Variants in EPN2 observed in about 807,000 individuals in gnomAD.
The protein encoded by EPN2 is epsin 2, also known as epsin-2.
In EPN2, 34 loss-of-function variants were observed where a neutral mutation model predicts 61.7. The ratio of observed to expected loss-of-function variants is 0.55; its 90% CI spans 0.42 to 0.73. The LOEUF (loss-of-function observed/expected upper bound fraction) is 0.73. Ranked by LOEUF, EPN2 falls within the 30% of genes least tolerant of loss-of-function variation. EPN2 has a pLI of 0.00. For missense variants in EPN2, 714 were observed against 839.2 expected (o/e 0.85, Z 1.84); for synonymous variants, 349 against 353.6 (o/e 0.99, Z 0.15).
rs750745120 is a variant in EPN2, at chr17:19,283,701, C to T, written c.582C>T (p.Ala194=). ...QEYGKAGGSP[A]SYHGSPEASL... ...ATGGCAAGGCCGGGGGCTCCCCGGC[C>T]TCCTACCATGGCTGTGAGTAATGGA... Residue 194 remains alanine (A), a synonymous_variant, in exon 3 of 11, where the codon GCC becomes GCT. Transcript: ENST00000314728. The surrounding 1 kb of genome is among the most constrained non-coding windows in gnomAD (Gnocchi z 7.0). 4 of 1,591,752 alleles carry T rather than the reference C, an allele frequency of 2.5e-6. No homozygotes were observed. In the African/African-American group the frequency reaches 5.4e-5, roughly 22 times the overall value.
intron 1 of EPN2, among the ~76,000 whole-genome samples, chr17:19,249,102 T>C (rs1394574723): frequency 6.6e-6 from 1 of 152,210 alleles, no homozygotes; most frequent in African/African-American, 2.4e-5. Context: ...GAGGTTTGAC[T>C]CATGGGCTGT....
intron 1 of EPN2, among the ~76,000 whole-genome samples, chr17:19,260,214 C>T (rs1207711073): frequency 3.3e-5 from 5 of 152,182 alleles, no homozygotes; most frequent in Admixed American, 2.6e-4. Flanking sequence ...AATCTGCTAC[C>T]TTATGATGGG....
chr17:19,287,574 A>G (rs147774394), intron 4 of EPN2, among the ~76,000 whole-genome samples: 249 of 152,204 alleles, frequency 1.6e-3, no homozygotes, highest in Non-Finnish European at 2.8e-3. Context: ...TGCTTAATCT[A>G]TGCACACCAG....
At chr17:19,260,656 A>C (rs1324220953) in intron 1 of EPN2, among the ~76,000 whole-genome samples, 1 of 151,148 alleles carries the variant, frequency 6.6e-6, no homozygotes, top group Non-Finnish European at 1.5e-5. Context: ...TGCTCTTTTG[A>C]ATAGGCAATA....
Position 19,285,581 on chromosome 17 carries a change from G to A in EPN2, c.596-39G>A, listed in dbSNP as rs563129960. 8.9e-6 allele frequency: 13 copies of A among 1,461,926 alleles called. No homozygotes were observed. Among genetic ancestry groups the A allele is most frequent in the African/African-American group, 5.7e-5 (4 of 70,604 alleles). The allele number at this position is 1,461,926 out of a possible 1,614,324, so 90.6% of individuals were successfully genotyped here. A position where few individuals can be genotyped will look rare whatever the true frequency, so the allele number is the denominator to read the frequency against. On this transcript the variant is annotated intron_variant, in intron 3 of 10. Transcript: ENST00000314728. This position sits in a 1 kb window ranked among gnomAD's most constrained non-coding sequence, Gnocchi z 4.5. The stretch of plus-strand genomic sequence containing the variant: ...GGGCTGCTGCGCACCCTCTAATGGC[G>A]TGTCTCTCTGTGTGTGTGTGTGTGT...
At chr17:19,250,748 CAG>C (rs1010521468) in intron 1 of EPN2, among the ~76,000 whole-genome samples, 3 of 152,132 alleles carry the variant, frequency 2.0e-5, no homozygotes, top group Admixed American at 6.6e-5. Context: ...TCTGGGGACA[CAG>C]GGGCTTACAC....
chr17:19,265,251 G>A (rs2045183491), intron 1 of EPN2, among the ~76,000 whole-genome samples: 1 of 152,084 alleles, frequency 6.6e-6, no homozygotes, highest in South Asian at 2.1e-4. Context: ...AGCTGGGCTT[G>A]ATGGTGCACA....
intron 10 of EPN2, among the ~76,000 whole-genome samples, chr17:19,332,683 TC>T: frequency 6.6e-6 from 1 of 152,278 alleles, no homozygotes. Flanking sequence ...GTAGAGCCCT[TC>T]CTTAAGCCCA....
intron 4 of EPN2, among the ~76,000 whole-genome samples, chr17:19,291,720 G>T (rs942868704): frequency 6.6e-6 from 1 of 152,186 alleles, no homozygotes; most frequent in Non-Finnish European, 1.5e-5. Context: ...AATTACAGGC[G>T]TGAGCCATCG....
At chr17:19,316,052 G>A (rs898284390) in intron 7 of EPN2, among the ~76,000 whole-genome samples, 2 of 152,164 alleles carry the variant, frequency 1.3e-5, no homozygotes, top group Non-Finnish European at 2.9e-5. Context: ...CAATGTTATA[G>A]CGTGTGTCAG....
intron 5 of EPN2, among the ~76,000 whole-genome samples, chr17:19,311,252 C>T (rs1424376449): frequency 6.6e-6 from 1 of 152,170 alleles, no homozygotes; most frequent in Admixed American, 6.5e-5. Flanking sequence ...CATGTGGCTT[C>T]ATGGCCAGCA....
At chr17:19,255,067 C>T (rs1233027223) in intron 1 of EPN2, among the ~76,000 whole-genome samples, 3 of 152,092 alleles carry the variant, frequency 2.0e-5, no homozygotes, top group East Asian at 1.9e-4. Flanking sequence ...GACTGGTGGG[C>T]ACCCTTCTCA....
At chr17:19,265,871 G>A (rs1055165799) in intron 1 of EPN2, among the ~76,000 whole-genome samples, 1 of 152,100 alleles carries the variant, frequency 6.6e-6, no homozygotes, top group African/African-American at 2.4e-5. Context: ...TCTGTTAAGG[G>A]TGACTCCGTC....
intron 4 of EPN2, among the ~76,000 whole-genome samples, chr17:19,297,829 G>A (rs2152224731): frequency 6.6e-6 from 1 of 152,298 alleles, no homozygotes; most frequent in South Asian, 2.1e-4. Flanking sequence ...CTAACTCTAT[G>A]CATTTTCCAT....
intron 5 of EPN2, among the ~76,000 whole-genome samples, chr17:19,310,958 C>G (rs1906109386): frequency 6.6e-6 from 1 of 152,086 alleles, no homozygotes; most frequent in Non-Finnish European, 1.5e-5. Context: ...TACAAATTGT[C>G]AAGCCTTTGG....
chr17:19,319,993 C>T (rs1598020551), intron 7 of EPN2, among the ~76,000 whole-genome samples: 2 of 152,206 alleles, frequency 1.3e-5, no homozygotes, highest in African/African-American at 4.8e-5. Context: ...GGGTGTGCAG[C>T]GGCTGAGGCC....
chr17:19,270,877 A>G (rs953009931), intron 1 of EPN2, among the ~76,000 whole-genome samples: 2 of 152,172 alleles, frequency 1.3e-5, no homozygotes, highest in Non-Finnish European at 2.9e-5. Flanking sequence ...GCATGTGTTA[A>G]GCACCTGGTA....
intron 1 of EPN2, among the ~76,000 whole-genome samples, chr17:19,256,139 A>T (rs375544754): frequency 1.3e-5 from 2 of 151,842 alleles, no homozygotes; most frequent in East Asian, 1.9e-4. Flanking sequence ...GGGTTTCACC[A>T]TGTTAGCCAG....
chr17:19,273,849 A>G (rs1263540420), intron 1 of EPN2, among the ~76,000 whole-genome samples: 2 of 152,214 alleles, frequency 1.3e-5, no homozygotes, highest in Non-Finnish European at 2.9e-5. Context: ...AGTTATTGCT[A>G]GCGTGGCTGA....
Sources: allele counts gnomAD v4.1 joint callset (sites outside exome capture counted in the v4.1 genomes callset), GRCh38; gene constraint gnomAD v4.1.1; non-coding constraint Gnocchi (gnomAD v3.1); transcripts MANE v1.5; gene names NCBI Gene and HGNC (gene_info 2026-07-23, HGNC 2026-07-21).